Variants in GNAI2 observed in about 807,000 individuals in gnomAD.
The protein encoded by GNAI2 is G protein subunit alpha i2.
In GNAI2, 4 loss-of-function variants were observed where a neutral mutation model predicts 36.8. The observed-to-expected ratio is 0.11, with a 90% CI of 0.05 to 0.25. GNAI2 has a LOEUF of 0.25. Among genes scored for constraint, GNAI2 ranks in the 10% least tolerant of loss-of-function variants. GNAI2 has a pLI of 1.00. For missense variants in GNAI2, 230 were observed against 481.3 expected (o/e 0.48, Z 4.89); for synonymous variants, 194 against 194.1 (o/e 1.00, Z 0.01).
At chr3:50,229,635 A>T (rs1474982882), upstream of GNAI2, 2 of 152,332 alleles carry the variant, frequency 1.3e-5, no homozygotes, top group Admixed American at 1.3e-4. Flanking sequence ...GTTTGGGAGC[A>T]TCCAGCTCCT....
chr3:50,257,367 A>G, intron 7 of GNAI2, 133 bp from the exon 8 acceptor site: 1 of 660,042 alleles, frequency 1.5e-6, no homozygotes, highest in Non-Finnish European at 2.6e-6. Flanking sequence ...GCAGCCACAA[A>G]CATTGTCATA....
At position 50,255,454 on chromosome 3, in the gene GNAI2, A is replaced by G. The variant is rs1224268906; in HGVS notation, c.465-738A>G. Among the ~76,000 whole-genome samples, 1 of 152,238 alleles carries G rather than the reference A, an allele frequency of 6.6e-6. No individual in the cohort carries two copies. The highest frequency in any genetic ancestry group is 2.4e-5 in the African/African-American group (1 of 41,474). ...GGCAGGCCCCAACCTGTCCAGCACCACATCGAGGGACCGCACCCGGCTGCT... is the reference window on the plus strand; with the variant it reads ...GGCAGGCCCCAACCTGTCCAGCACCGCATCGAGGGACCGCACCCGGCTGCT... On this transcript the variant is annotated intron_variant, in intron 4 of 8. Transcript: ENST00000313601. This position sits in a 1 kb window ranked among gnomAD's most constrained non-coding sequence, Gnocchi z 4.0.
upstream of GNAI2, among the ~76,000 whole-genome samples, chr3:50,235,654 A>C (rs1356908571): frequency 6.6e-6 from 1 of 152,016 alleles, no homozygotes; most frequent in Non-Finnish European, 1.5e-5. Flanking sequence ...TGCAACCCAG[A>C]GGGAGAAGGC....
chr3:50,251,809 A>AC (rs1235747606), intron 1 of GNAI2: 10 of 1,295,490 alleles, frequency 7.7e-6, no homozygotes, highest in Non-Finnish European at 9.0e-6. Flanking sequence ...TCCAGCCAAG[A>AC]CCCCCCAGGA....
chr3:50,245,676 G>A (rs782810275), intron 1 of GNAI2, among the ~76,000 whole-genome samples: 7 of 152,248 alleles, frequency 4.6e-5, no homozygotes, highest in Admixed American at 1.3e-4. Flanking sequence ...GCGATGAACA[G>A]GTCTGGGGCC....
intron 1 of GNAI2, among the ~76,000 whole-genome samples, chr3:50,244,845 C>T (rs1210981177): frequency 1.3e-5 from 2 of 152,200 alleles, no homozygotes; most frequent in Non-Finnish European, 2.9e-5. Flanking sequence ...GTCCAAGCCT[C>T]TCTGGGCCAT....
Position 50,252,366 on chromosome 3 carries a change from G to A in GNAI2, c.162-31G>A, listed in dbSNP as rs1376523038. ...CCGTGGGAACTCCCAGTGCCCAGGGGACACTAACCTTCCTGGTCCCTGGCT... is the reference window on the plus strand; with the variant it reads ...CCGTGGGAACTCCCAGTGCCCAGGGAACACTAACCTTCCTGGTCCCTGGCT... On this transcript the variant is annotated intron_variant, in intron 2 of 8. Coordinates refer to ENST00000313601, the MANE Select transcript of GNAI2 (RefSeq NM_002070.4). The surrounding 1 kb of genome is among the most constrained non-coding windows in gnomAD (Gnocchi z 4.1). 3 of 1,612,000 alleles carry A rather than the reference G, an allele frequency of 1.9e-6. No homozygotes were observed. Among genetic ancestry groups the A allele is most frequent in the Middle Eastern group, 1.6e-4 (1 of 6,082 alleles).
At chr3:50,244,232 T>C (rs1281172171) in intron 1 of GNAI2, among the ~76,000 whole-genome samples, 6 of 152,140 alleles carry the variant, frequency 3.9e-5, no homozygotes. Context: ...TTTCACCATG[T>C]TGGTCAGGCT....
upstream of GNAI2, among the ~76,000 whole-genome samples, chr3:50,228,115 C>G (rs777635794): frequency 6.6e-6 from 1 of 152,260 alleles, no homozygotes; most frequent in African/African-American, 2.4e-5. Flanking sequence ...CACCAGCTCT[C>G]TTCTCCCCGG....
At chr3:50,250,285 T>C (rs1462334256) in intron 1 of GNAI2, among the ~76,000 whole-genome samples, 1 of 152,204 alleles carries the variant, frequency 6.6e-6, no homozygotes, top group Non-Finnish European at 1.5e-5. Context: ...TGTGTTCGTT[T>C]GTGTGTTAGC....
upstream of GNAI2, chr3:50,227,182 G>A: frequency 6.9e-7 from 1 of 1,450,054 alleles, no homozygotes; most frequent in Non-Finnish European, 9.1e-7. The surrounding 1 kb of genome is among the most constrained non-coding windows in gnomAD (Gnocchi z 5.9). Flanking sequence ...TGTCACTGGG[G>A]ACGTTCTGAG....
At chr3:50,246,066 C>T (rs587723821) in intron 1 of GNAI2, among the ~76,000 whole-genome samples, 2 of 152,260 alleles carry the variant, frequency 1.3e-5, no homozygotes, top group South Asian at 2.1e-4. Context: ...GTGCCGGACC[C>T]GTGCTGAGCC....
chr3:50,257,552 C>A lies in GNAI2; in HGVS notation c.930C>A (p.Asp310Glu). 4 of 1,578,512 alleles carry A rather than the reference C, an allele frequency of 2.5e-6. No individual in the cohort carries two copies. Among genetic ancestry groups the A allele is most frequent in the Non-Finnish European group, 3.4e-6 (4 of 1,161,122 alleles). Residue 310 changes from aspartate (D) to glutamate (E), a missense_variant, in exon 8 of 9, where the codon GAC becomes GAA. Coordinates refer to ENST00000313601, the MANE Select transcript of GNAI2 (RefSeq NM_002070.4). ...GCTACATCCAGAGTAAGTTTGAGGA[C>A]CTGAATAAGCGCAAAGACACCAAGG... ...AASYIQSKFE[D>E]LNKRKDTKEI...
chr3:50,240,927 A>AAAAAAAAAAG (rs1331186326), intron 1 of GNAI2, among the ~76,000 whole-genome samples: 36 of 122,734 alleles, frequency 2.9e-4, no homozygotes, highest in African/African-American at 1.8e-3. Context: ...TCAAAAAAAA[A>AAAAAAAAAAG]AAAAAAAAAG....
chr3:50,257,060 C>A lies in GNAI2; in HGVS notation c.847C>A (p.Pro283Thr). The A allele has an allele frequency of 6.2e-7, 1 of 1,613,970 alleles. No individual in the cohort carries two copies. Among genetic ancestry groups the A allele is most frequent in the Non-Finnish European group, 8.5e-7 (1 of 1,179,844 alleles). ...DLFEEKITHS[P>T]LTICFPEYTG... ...GTTTGAGGAGAAGATCACACACAGTCCCCTGACCATCTGCTTCCCTGAGTA... is the reference window on the plus strand; with the variant it reads ...GTTTGAGGAGAAGATCACACACAGTACCCTGACCATCTGCTTCCCTGAGTA... The change falls in exon 7 of 9, where the codon CCC becomes ACC. Residue 283 changes from proline to threonine, a missense_variant. Pro to Thr is a conservative substitution (Grantham distance 38). This residue lies in a region of GNAI2 where 51 missense variants were observed against 56.7 expected (regional missense o/e 0.90). Coordinates refer to ENST00000313601, the MANE Select transcript of GNAI2 (RefSeq NM_002070.4).
rs782451260 is a variant in GNAI2, at chr3:50,242,605, C to T, written c.118+6152C>T. 6.6e-6 allele frequency among the ~76,000 whole-genome samples: 1 copy of T among 152,042 alleles called. No individual in the cohort carries two copies. ...CTTGAAGCTCTCGTTCTTACTAAAC[C>T]CCAACCCCACCCTCACCCTGATGTT... On this transcript the variant is annotated intron_variant, in intron 1 of 8. Coordinates refer to ENST00000313601, the MANE Select transcript of GNAI2 (RefSeq NM_002070.4). The surrounding 1 kb of genome is among the most constrained non-coding windows in gnomAD (Gnocchi z 4.8).
upstream of GNAI2, among the ~76,000 whole-genome samples, chr3:50,233,643 G>A (rs587731680): frequency 1.3e-5 from 2 of 152,218 alleles, no homozygotes; most frequent in African/African-American, 4.8e-5. Context: ...CTGTGGCCCT[G>A]GTGGACATTA....
At chr3:50,246,527 C>T (rs1700429636) in intron 1 of GNAI2, among the ~76,000 whole-genome samples, 1 of 152,220 alleles carries the variant, frequency 6.6e-6, no homozygotes, top group Non-Finnish European at 1.5e-5. Flanking sequence ...CTACCCCCAC[C>T]TGCCCCACCA....
Position 50,242,917 on chromosome 3 carries a change from C to T in GNAI2, c.118+6464C>T, listed in dbSNP as rs1488433559. 2.6e-5 allele frequency among the ~76,000 whole-genome samples: 4 copies of T among 152,182 alleles called. No homozygotes were observed. The highest frequency in any genetic ancestry group is 4.8e-5 in the African/African-American group (2 of 41,510). On this transcript the variant is annotated intron_variant, in intron 1 of 8. Coordinates refer to ENST00000313601, the MANE Select transcript of GNAI2 (RefSeq NM_002070.4). This position sits in a 1 kb window ranked among gnomAD's most constrained non-coding sequence, Gnocchi z 4.8. ...CAGCACCTACTGTGTGTGCCCCCGG[C>T]GGGAGGAGGAGGTAATGAAGTCTGC...
Sources: gnomAD v4.1 joint callset for allele counts (sites outside exome capture counted in the v4.1 genomes callset) on GRCh38, gnomAD v4.1.1 for gene constraint, gnomAD v4.1.1 regional missense constraint, Gnocchi (gnomAD v3.1) non-coding constraint, MANE v1.5 for transcripts, NCBI Gene and HGNC (gene_info 2026-07-23, HGNC 2026-07-21) for gene names.